Variants in DACH2 observed in about 807,000 individuals in gnomAD.
DACH2 encodes the protein dachshund family transcription factor 2.
DACH2 carries 17 observed loss-of-function variants against 35.8 expected under a neutral mutation model. The observed-to-expected ratio is 0.48, with a 90% confidence interval of 0.33 to 0.71. DACH2 has a LOEUF of 0.71. Ranked by LOEUF, DACH2 falls within the 30% of genes least tolerant of loss-of-function variation. The pLI is 0.02. For missense variants in DACH2, 469 were observed against 472.7 expected, an observed-to-expected ratio of 0.99 and a Z score of 0.07; for synonymous variants, 195 against 177.3, an observed-to-expected ratio of 1.10 and a Z score of -0.79.
chrX:86,629,821 A>C (rs1428038177), intron 3 of DACH2, among the ~76,000 whole-genome samples: 2 of 110,945 alleles, frequency 1.8e-5, no homozygotes, highest in African/African-American at 6.6e-5. Context: ...TTGAGGTTGA[A>C]CTGTGATTGT....
At chrX:86,347,109 A>G (rs1299753640) in intron 1 of DACH2, among the ~76,000 whole-genome samples, 2 of 111,969 alleles carry the variant, frequency 1.8e-5, no homozygotes, top group African/African-American at 6.5e-5. Flanking sequence ...AGGCAGTCTT[A>G]AAGGAATTCT....
At chrX:86,545,983 T>C in intron 3 of DACH2, among the ~76,000 whole-genome samples, 1 of 112,187 alleles carries the variant, frequency 8.9e-6, no homozygotes, top group Non-Finnish European at 1.9e-5. Flanking sequence ...TTTACAAGGC[T>C]GTTGACCTAA....
At chrX:86,435,306 C>G (rs1001914450) in intron 2 of DACH2, among the ~76,000 whole-genome samples, 1 of 111,606 alleles carries the variant, frequency 9.0e-6, no homozygotes, top group African/African-American at 3.3e-5. Flanking sequence ...CCGTATTTGT[C>G]AAGAACTTTT....
At chrX:86,314,445 G>A (rs945930169) in intron 1 of DACH2, among the ~76,000 whole-genome samples, 1 of 110,691 alleles carries the variant, frequency 9.0e-6, no homozygotes, top group African/African-American at 3.3e-5. Flanking sequence ...TTGGGCCCAG[G>A]GGGTCGAGGC....
chrX:86,565,425 A>G (rs1219835045), intron 3 of DACH2, among the ~76,000 whole-genome samples: 4 of 111,324 alleles, frequency 3.6e-5, no homozygotes, highest in African/African-American at 1.3e-4. Flanking sequence ...TTTCGAAGCA[A>G]ATTCTCAGGC....
At chrX:86,467,504 C>T (rs755610671) in intron 2 of DACH2, among the ~76,000 whole-genome samples, 1 of 111,646 alleles carries the variant, frequency 9.0e-6, no homozygotes, top group African/African-American at 3.3e-5. Context: ...CCCTCCAAGT[C>T]TTAGAAAGTT....
At chrX:86,459,405 G>A (rs1195184143) in intron 2 of DACH2, among the ~76,000 whole-genome samples, 1 of 111,427 alleles carries the variant, frequency 9.0e-6, no homozygotes, top group African/African-American at 3.3e-5. Context: ...AATCCTTTCA[G>A]TTATTTAAAC....
At chrX:86,706,343 G>C (rs2041216455) in intron 5 of DACH2, among the ~76,000 whole-genome samples, 1 of 111,109 alleles carries the variant, frequency 9.0e-6, no homozygotes, top group Non-Finnish European at 1.9e-5. Context: ...TGTTATAAAG[G>C]ACTGAAAGGA....
intron 4 of DACH2, among the ~76,000 whole-genome samples, chrX:86,677,243 A>G (rs970766131): frequency 4.5e-5 from 5 of 112,180 alleles, no homozygotes; most frequent in Admixed American, 1.9e-4. Context: ...TAATATAAAT[A>G]TGTAAATTTT....
chrX:86,257,568 C>T (rs1451018462), intron 1 of DACH2, among the ~76,000 whole-genome samples: 2 of 111,480 alleles, frequency 1.8e-5, no homozygotes, highest in Non-Finnish European at 1.9e-5. Context: ...CCACCATGCT[C>T]GTTTAATTTT....
intron 2 of DACH2, among the ~76,000 whole-genome samples, chrX:86,456,637 A>G (rs2037480834): frequency 9.0e-6 from 1 of 110,839 alleles, no homozygotes; most frequent in Non-Finnish European, 1.9e-5. Flanking sequence ...TTTAAAAATT[A>G]TTTTCATTTA....
chrX:86,501,713 A>T (rs1320970579), intron 2 of DACH2, among the ~76,000 whole-genome samples: 1 of 111,561 alleles, frequency 9.0e-6, no homozygotes, highest in Non-Finnish European at 1.9e-5. Flanking sequence ...ATCTAAATAG[A>T]AAACTAAAGG....
intron 2 of DACH2, among the ~76,000 whole-genome samples, chrX:86,438,285 G>A (rs552595737): frequency 7.8e-5 from 8 of 102,484 alleles, no homozygotes; most frequent in African/African-American, 2.6e-4. Context: ...GTGCAATGGC[G>A]TGATCTTGGC....
chrX:86,563,970 A>G (rs1452024907), intron 3 of DACH2, among the ~76,000 whole-genome samples: 1 of 110,843 alleles, frequency 9.0e-6, no homozygotes, highest in East Asian at 2.8e-4. Context: ...GTACCTCTTA[A>G]TTTTTAAAAA....
At chrX:86,369,906 T>C (rs886358459) in intron 1 of DACH2, among the ~76,000 whole-genome samples, 6 of 111,293 alleles carry the variant, frequency 5.4e-5, no homozygotes, top group Non-Finnish European at 9.4e-5. Flanking sequence ...TAATCAGCAC[T>C]GCAAAGTAGA....
intron 2 of DACH2, among the ~76,000 whole-genome samples, chrX:86,378,873 GC>G (rs2036005774): frequency 9.0e-6 from 1 of 111,135 alleles, no homozygotes; most frequent in Non-Finnish European, 1.9e-5. Flanking sequence ...TGGTGGTTAT[GC>G]GCTTTGTGGG....
chrX:86,786,423 C>T (rs1210621239), intron 7 of DACH2, among the ~76,000 whole-genome samples: 1 of 111,693 alleles, frequency 9.0e-6, no homozygotes, highest in Admixed American at 9.5e-5. Context: ...AGCCACGAGC[C>T]ATATGCCTTT....
At chrX:86,768,452 CAGATCATATGCAGAT>C (rs2041956492) in intron 7 of DACH2, among the ~76,000 whole-genome samples, 1 of 110,687 alleles carries the variant, frequency 9.0e-6, no homozygotes, top group Non-Finnish European at 1.9e-5. Context: ...TTCTAAGTTA[CAGATCATATGCAGAT>C]TCAAACCAAA....
chrX:86,521,849 AGCAGGTG>A (rs1407685180), intron 3 of DACH2, among the ~76,000 whole-genome samples: 1 of 111,512 alleles, frequency 9.0e-6, no homozygotes, highest in Non-Finnish European at 1.9e-5. Flanking sequence ...TTTTTTCCTC[AGCAGGTG>A]CATGCAAAAA....
Sources: allele counts gnomAD v4.1 joint callset (sites outside exome capture counted in the v4.1 genomes callset), GRCh38; gene constraint gnomAD v4.1.1; transcripts MANE v1.5; gene names NCBI Gene and HGNC (gene_info 2026-07-23, HGNC 2026-07-21).